PTPN20: variants seen among roughly 807,000 people sequenced by gnomAD.
PTPN20 encodes tyrosine-protein phosphatase non-receptor type 20.
Under a neutral mutation model 35.0 loss-of-function variants are expected in PTPN20, and 9 were observed. The observed-to-expected ratio is 0.26, with a 90% CI of 0.15 to 0.45. The LOEUF (loss-of-function observed/expected upper bound fraction) is 0.45, where lower values mean the gene tolerates loss of function less well. Ranked by LOEUF, PTPN20 falls within the 20% of genes least tolerant of loss-of-function variation. The probability of loss-of-function intolerance (pLI) is 1.00; values close to 1 mark genes in which losing one functional copy is unlikely to be tolerated. For synonymous variants in PTPN20, 32 were observed against 100.2 expected, an observed-to-expected ratio of 0.32 and a Z score of 4.06; for missense variants, 111 against 312.5, an observed-to-expected ratio of 0.36 and a Z score of 4.86.
At chr10:46,950,928 G>A (rs1358014046) in intron 5 of PTPN20, among the ~76,000 whole-genome samples, 343 of 150,280 alleles carry the variant, frequency 2.3e-3, no homozygotes, top group African/African-American at 8.3e-3. Context: ...TTCTGACATA[G>A]GATTAATAGT....
intron 4 of PTPN20, among the ~76,000 whole-genome samples, chr10:46,945,106 T>A (rs1354518377): frequency 1.5e-5 from 2 of 135,206 alleles, no homozygotes; most frequent in African/African-American, 3.4e-5. Context: ...CTGCCAAGAG[T>A]TGTAGGGTGT....
intron 9 of PTPN20, among the ~76,000 whole-genome samples, chr10:46,992,184 G>C (rs890070313): frequency 4.1e-4 from 61 of 149,238 alleles, no homozygotes; most frequent in Middle Eastern, 3.5e-3. Context: ...GTGCAGTGGC[G>C]TGATCTCAGC....
Position 47,001,143 on chromosome 10 carries a change from TA to T in PTPN20, c.*404del, listed in dbSNP as rs2059993492. The T allele has an allele frequency of 4.0e-6, 1 of 249,828 alleles. No homozygotes were observed. Among genetic ancestry groups the T allele is most frequent in the African/African-American group, 2.3e-5 (1 of 43,570 alleles). 15.5% of individuals were successfully genotyped at this position (249,828 alleles called of 1,614,324 possible). A position where few individuals can be genotyped will look rare whatever the true frequency, so the allele number is the denominator to read the frequency against. ...TGTAAGTTCTTATTCTGGGAGAACA[TA>T]AGGCCAATAATCATGACCTCTTCCA... On this transcript the variant is annotated 3_prime_UTR_variant, in exon 11 of 11. Coordinates refer to ENST00000374339, the MANE Select transcript of PTPN20 (RefSeq NM_001042357.5).
At chr10:46,940,389 A>G (rs1369157401) in intron 2 of PTPN20, among the ~76,000 whole-genome samples, 1 of 147,380 alleles carries the variant, frequency 6.8e-6, no homozygotes, top group East Asian at 2.0e-4. Context: ...GAACCGCTCA[A>G]AAGTCAACTC....
intron 9 of PTPN20, among the ~76,000 whole-genome samples, chr10:46,997,603 C>A (rs2059349287): frequency 2.0e-5 from 3 of 149,528 alleles, no homozygotes; most frequent in Admixed American, 6.7e-5. Flanking sequence ...TTGTGAAAGA[C>A]CCAATGAAGA....
chr10:46,947,234 A>G (rs1353409975), intron 5 of PTPN20, among the ~76,000 whole-genome samples: 140 of 139,930 alleles, frequency 1.0e-3, no homozygotes, highest in African/African-American at 3.4e-3. Flanking sequence ...ATATATATAT[A>G]TTTATAAAAT....
chr10:46,930,384 A>T (rs2039157683), intron 1 of PTPN20, among the ~76,000 whole-genome samples: 1 of 151,352 alleles, frequency 6.6e-6, no homozygotes, highest in Non-Finnish European at 1.5e-5. Context: ...ACTTGATAAA[A>T]TTCGAAACAA....
chr10:46,957,516 A>T (rs2048749845), intron 5 of PTPN20, among the ~76,000 whole-genome samples: 1 of 152,070 alleles, frequency 6.6e-6, no homozygotes, highest in Non-Finnish European at 1.5e-5. Flanking sequence ...CAGGCAGATC[A>T]CCTGAGGTTG....
chr10:46,932,669 G>A (rs1231236034), intron 2 of PTPN20, 136 bp downstream of exon 2: 175 of 1,504,424 alleles, frequency 1.2e-4, no homozygotes, highest in Non-Finnish European at 1.6e-4. Flanking sequence ...TTGGTGGGGT[G>A]GGGTGGGGGG....
intron 7 of PTPN20, among the ~76,000 whole-genome samples, chr10:46,968,693 GT>G (rs2051465863): frequency 6.6e-6 from 1 of 151,888 alleles, no homozygotes; most frequent in African/African-American, 2.4e-5. Context: ...CAAAGTCAAA[GT>G]TTTTCAAAAC....
intron 7 of PTPN20, among the ~76,000 whole-genome samples, chr10:46,977,223 T>A (rs1464783919): frequency 6.6e-6 from 1 of 152,302 alleles, no homozygotes; most frequent in Non-Finnish European, 1.5e-5. Flanking sequence ...CACTCAAGAC[T>A]ACAATGTCAA....
chr10:46,994,536 G>A (rs1046390479), intron 9 of PTPN20, among the ~76,000 whole-genome samples: 3 of 151,700 alleles, frequency 2.0e-5, no homozygotes, highest in Non-Finnish European at 2.9e-5. Flanking sequence ...GGGTTTCACC[G>A]TGTTAGCCAG....
intron 9 of PTPN20, among the ~76,000 whole-genome samples, chr10:46,998,053 A>C (rs2059457848): frequency 6.6e-6 from 1 of 152,218 alleles, no homozygotes. Context: ...ACAATTGAGC[A>C]GTTTCTTGGA....
chr10:46,998,217 AACAACCCAG>A (rs1417927286), intron 9 of PTPN20, among the ~76,000 whole-genome samples: 3 of 152,178 alleles, frequency 2.0e-5, no homozygotes, highest in African/African-American at 7.2e-5. Flanking sequence ...CAAAAACCAG[AACAACCCAG>A]ATGTCCTTCA....
At chr10:46,929,116 G>C (rs1455639658) in intron 1 of PTPN20, among the ~76,000 whole-genome samples, 1 of 45,136 alleles carries the variant, frequency 2.2e-5, no homozygotes, top group African/African-American at 1.3e-4. Context: ...TAGTGTCCCA[G>C]CTGAGAATTT....
intron 1 of PTPN20, among the ~76,000 whole-genome samples, chr10:46,917,487 GA>G (rs2033442867): frequency 7.2e-6 from 1 of 139,278 alleles, no homozygotes; most frequent in Non-Finnish European, 1.5e-5. Flanking sequence ...CAAATAAATG[GA>G]GAAATAAATC....
intron 10 of PTPN20, 26 bp downstream of exon 10, chr10:47,000,000 A>G (rs782316886): frequency 9.9e-6 from 16 of 1,613,266 alleles, no homozygotes; most frequent in Non-Finnish European, 1.4e-5. Context: ...ATACATAATA[A>G]TAAGAATAAT....
At chr10:46,992,314 G>A (rs1329594211) in intron 9 of PTPN20, among the ~76,000 whole-genome samples, 1 of 151,680 alleles carries the variant, frequency 6.6e-6, no homozygotes, top group Admixed American at 6.6e-5. Context: ...GTAGAGATGG[G>A]GTTTCACCAT....
chr10:46,959,681 G>A (rs1326794679), intron 5 of PTPN20, among the ~76,000 whole-genome samples: 2 of 116,712 alleles, frequency 1.7e-5, no homozygotes, highest in African/African-American at 6.8e-5. Flanking sequence ...TTTTCTTTGT[G>A]GTTACCATGG....
Sources: gnomAD v4.1 joint callset for allele counts (sites outside exome capture counted in the v4.1 genomes callset) on GRCh38, gnomAD v4.1.1 for gene constraint, MANE v1.5 for transcripts, NCBI Gene and HGNC (gene_info 2026-07-23, HGNC 2026-07-21) for gene names.